The following PGCKA1 variants were observed in gnomAD, a reference collection of about 807,000 sequenced individuals.
PGCKA1 encodes the protein PDCD10 and GCKIII kinases-associated protein 1.
chr4:37,567,388 C>T, the PGCKA1 span, among the ~76,000 whole-genome samples: 28 of 152,310 alleles, frequency 1.8e-4, 1 homozygote, highest in African/African-American at 6.3e-4. Context: ...TTATAGCAAG[C>T]GCTATGCATA....
the PGCKA1 span, among the ~76,000 whole-genome samples, chr4:37,542,424 C>T: frequency 6.6e-6 from 1 of 152,128 alleles, no homozygotes; most frequent in Non-Finnish European, 1.5e-5. Flanking sequence ...ATAAATTGCA[C>T]GGATAAATAT....
the PGCKA1 span, among the ~76,000 whole-genome samples, chr4:37,565,952 C>A: frequency 1.3e-5 from 2 of 152,170 alleles, no homozygotes; most frequent in Admixed American, 1.3e-4. Flanking sequence ...AGCCTCCCAG[C>A]CTACATCCTT....
chr4:37,484,057 G>A, the PGCKA1 span, among the ~76,000 whole-genome samples: 3 of 152,278 alleles, frequency 2.0e-5, no homozygotes, highest in East Asian at 3.9e-4. Context: ...CCCATTACCA[G>A]CTGACTAGTA....
At chr4:37,566,596 T>C in the PGCKA1 span, among the ~76,000 whole-genome samples, 1 of 146,030 alleles carries the variant, frequency 6.8e-6, no homozygotes, top group Non-Finnish European at 1.5e-5. Context: ...TTTTATTTTA[T>C]TTTTTGAGAC....
chr4:37,504,187 A>G, the PGCKA1 span, among the ~76,000 whole-genome samples: 3 of 152,238 alleles, frequency 2.0e-5, no homozygotes, highest in South Asian at 2.1e-4. Flanking sequence ...TCCAAGTACC[A>G]TTCATTGCCA....
the PGCKA1 span, among the ~76,000 whole-genome samples, chr4:37,498,296 G>A: frequency 1.3e-5 from 2 of 152,210 alleles, no homozygotes; most frequent in Non-Finnish European, 2.9e-5. Flanking sequence ...GTACCATGCT[G>A]TTTTGGTGAC....
chr4:37,504,163 T>C, the PGCKA1 span, among the ~76,000 whole-genome samples: 10 of 152,210 alleles, frequency 6.6e-5, no homozygotes, highest in Non-Finnish European at 1.3e-4. Context: ...CTTTTGCATA[T>C]GGCTATCCGG....
the PGCKA1 span, among the ~76,000 whole-genome samples, chr4:37,469,156 C>T: frequency 6.6e-6 from 1 of 152,156 alleles, no homozygotes; most frequent in South Asian, 2.1e-4. Context: ...TCTAGCCTAG[C>T]TGTGTAGTAG....
the PGCKA1 span, among the ~76,000 whole-genome samples, chr4:37,561,496 C>CT: frequency 2.6e-5 from 4 of 152,128 alleles, no homozygotes; most frequent in Non-Finnish European, 4.4e-5. Context: ...TGACAAGGTC[C>CT]TTGAGATCAG....
chr4:37,531,269 C>A, the PGCKA1 span, among the ~76,000 whole-genome samples: 1 of 152,164 alleles, frequency 6.6e-6, no homozygotes, highest in Admixed American at 6.5e-5. Context: ...AGTCACATGA[C>A]TATGGTAAAG....
chr4:37,493,104 A>G, the PGCKA1 span, among the ~76,000 whole-genome samples: 1 of 152,220 alleles, frequency 6.6e-6, no homozygotes, highest in African/African-American at 2.4e-5. Context: ...ATGTGTATAT[A>G]TGTAGATGTA....
At chr4:37,567,038 T>A in the PGCKA1 span, among the ~76,000 whole-genome samples, 1 of 151,954 alleles carries the variant, frequency 6.6e-6, no homozygotes, top group Admixed American at 6.6e-5. Context: ...GAGCACAAAC[T>A]GCTTCTTGCA....
At chr4:37,463,660 G>T in the PGCKA1 span, among the ~76,000 whole-genome samples, 8 of 152,122 alleles carry the variant, frequency 5.3e-5, no homozygotes, top group Non-Finnish European at 1.2e-4. Flanking sequence ...TTGTGGCGCT[G>T]GGGAGGTGAG....
the PGCKA1 span, among the ~76,000 whole-genome samples, chr4:37,534,221 T>A: frequency 2.6e-5 from 4 of 152,216 alleles, no homozygotes; most frequent in Non-Finnish European, 5.9e-5. Flanking sequence ...TAGCTGATAC[T>A]TTTCCTGAAA....
chr4:37,490,170 G>A, the PGCKA1 span, among the ~76,000 whole-genome samples: 1 of 152,072 alleles, frequency 6.6e-6, no homozygotes, highest in Non-Finnish European at 1.5e-5. Context: ...TTGCTCTCCT[G>A]TATGTTAATG....
At chr4:37,466,524 T>C in the PGCKA1 span, among the ~76,000 whole-genome samples, 3 of 152,204 alleles carry the variant, frequency 2.0e-5, no homozygotes, top group Non-Finnish European at 2.9e-5. Context: ...TTTGCATCCC[T>C]GGCTGCTGTG....
the PGCKA1 span, among the ~76,000 whole-genome samples, chr4:37,470,023 G>A: frequency 4.1e-4 from 63 of 152,286 alleles, no homozygotes; most frequent in African/African-American, 1.5e-3. Flanking sequence ...GATATTCACT[G>A]ATTCAGTGAT....
chr4:37,502,311 G>A, the PGCKA1 span, among the ~76,000 whole-genome samples: 6 of 152,356 alleles, frequency 3.9e-5, no homozygotes, highest in South Asian at 1.2e-3. Context: ...GTTCACAGCA[G>A]TGGCAGAGGC....
At chr4:37,481,638 CT>C in the PGCKA1 span, among the ~76,000 whole-genome samples, 2 of 152,120 alleles carry the variant, frequency 1.3e-5, no homozygotes, top group Non-Finnish European at 2.9e-5. Flanking sequence ...CTAATCTCCT[CT>C]TTTTATAAAG....
Sources: allele counts gnomAD v4.1 joint callset (sites outside exome capture counted in the v4.1 genomes callset), GRCh38; gene constraint gnomAD v4.1.1; transcripts MANE v1.5; gene names NCBI Gene and HGNC (gene_info 2026-07-23, HGNC 2026-07-21).